Variants in CAMKK1 observed in about 807,000 individuals in gnomAD.
CAMKK1 encodes calcium/calmodulin-dependent protein kinase kinase 1.
CAMKK1 carries 20 observed loss-of-function variants against 63.5 expected under a neutral mutation model. That is an observed-to-expected ratio of 0.32 (90% CI 0.22 to 0.46). CAMKK1 has a LOEUF of 0.46. Among genes scored for constraint, CAMKK1 ranks in the 20% least tolerant of loss-of-function variants. The pLI is 1.00. For missense variants in CAMKK1, 588 were observed against 658.1 expected (o/e 0.89, Z 1.17); for synonymous variants, 253 against 269.0 (o/e 0.94, Z 0.58).
At chr17:3,880,219 C>A in intron 9 of CAMKK1, 127 bp downstream of exon 9, 1 of 773,806 alleles carries the variant, frequency 1.3e-6, no homozygotes, top group South Asian at 1.6e-5. Context: ...ATGCCCCACT[C>A]CCACTGAAGC....
In CAMKK1 at chr17:3,887,115, T is replaced by C. The variant is rs2055687572; in HGVS notation, c.-43-1385A>G. On this transcript the variant is annotated intron_variant, in intron 1 of 15. Transcript: ENST00000348335. The surrounding 1 kb of genome is among the most constrained non-coding windows in gnomAD (Gnocchi z 6.1). ...GGGCTGGCTGGAGTCCACCGGCCAC[T>C]GAGGAGCCAGGACTGGGTTCCAGTC... Among the ~76,000 whole-genome samples the C allele has an allele frequency of 6.6e-6, 1 of 152,058 alleles. No homozygotes were observed. The highest frequency in any genetic ancestry group is 6.5e-5 in the Admixed American group (1 of 15,270).
chr17:3,881,160 A>G (rs2055395006), intron 8 of CAMKK1, among the ~76,000 whole-genome samples: 1 of 152,200 alleles, frequency 6.6e-6, no homozygotes, highest in African/African-American at 2.4e-5. Context: ...TCCATCAGTG[A>G]CTTGCTGTGT....
intron 15 of CAMKK1, among the ~76,000 whole-genome samples, chr17:3,863,044 G>T (rs550531156): frequency 6.6e-6 from 1 of 152,342 alleles, no homozygotes; most frequent in African/African-American, 2.4e-5. Context: ...CCATCTATCA[G>T]TCTTGGGATT....
intron 14 of CAMKK1, among the ~76,000 whole-genome samples, chr17:3,867,087 T>C (rs535125208): frequency 2.6e-5 from 4 of 152,160 alleles, no homozygotes; most frequent in Admixed American, 6.5e-5. Context: ...CAGTAAATTA[T>C]GTATGTCAGT....
In CAMKK1 at chr17:3,882,616, G is replaced by A. The variant is rs1486401942; in HGVS notation, c.649-52C>T. 6.5e-7 allele frequency: 1 copy of A among 1,528,556 alleles called. No individual in the cohort carries two copies. The highest frequency in any genetic ancestry group is 8.9e-7 in the Non-Finnish European group (1 of 1,122,324). The allele number at this position is 1,528,556 out of a possible 1,614,324, so 94.7% of individuals were successfully genotyped here. A position where few individuals can be genotyped will look rare whatever the true frequency, so the allele number is the denominator to read the frequency against. On this transcript the variant is annotated intron_variant, in intron 6 of 15. Transcript: ENST00000348335. The surrounding 1 kb of genome is among the most constrained non-coding windows in gnomAD (Gnocchi z 4.3). ...TGGGGCTTGAGGAGGCGTGGGGTTGGAGGTCCCAGGCCTCCTGGTCCTTGC... is the reference window on the plus strand; with the variant it reads ...TGGGGCTTGAGGAGGCGTGGGGTTGAAGGTCCCAGGCCTCCTGGTCCTTGC...
chr17:3,892,092 G>GTGTGCCCCTCCCACACTCC lies in CAMKK1; in HGVS notation c.-44+828_-44+846dup, dbSNP rs551460529. 4.8e-3 allele frequency among the ~76,000 whole-genome samples: 729 copies of GTGTGCCCCTCCCACACTCC among 152,146 alleles called. 5 individuals carry two copies. The highest frequency in any genetic ancestry group is 0.017 in the African/African-American group (697 of 41,474). On this transcript the variant is annotated intron_variant, in intron 1 of 15. Coordinates refer to ENST00000348335, the MANE Select transcript of CAMKK1 (RefSeq NM_032294.3). This position sits in a 1 kb window ranked among gnomAD's most constrained non-coding sequence, Gnocchi z 7.5. ...TGGGATCCTCCAGCGCGCACAGGCT[G>GTGTGCCCCTCCCACACTCC]TGTGCCCCTCCCACACTCCTGTGCC...
chr17:3,872,222 G>T (rs568289856), intron 12 of CAMKK1, among the ~76,000 whole-genome samples: 3 of 152,210 alleles, frequency 2.0e-5, no homozygotes, highest in Non-Finnish European at 2.9e-5. Context: ...CTGAGTGGGG[G>T]AAGGAGAAGT....
intron 10 of CAMKK1, among the ~76,000 whole-genome samples, chr17:3,874,813 T>C (rs1390913350): frequency 6.6e-6 from 1 of 151,838 alleles, no homozygotes; most frequent in African/African-American, 2.4e-5. Context: ...CTGACCGATA[T>C]ATAAGTCTTA....
intron 14 of CAMKK1, among the ~76,000 whole-genome samples, chr17:3,868,693 A>G (rs1021944124): frequency 1.2e-4 from 19 of 152,008 alleles, no homozygotes; most frequent in African/African-American, 4.3e-4. Context: ...CGTTCTGTCA[A>G]CCAGGCTGGA....
intron 15 of CAMKK1, 197 bp downstream of exon 15, chr17:3,865,711 A>G: frequency 7.1e-7 from 1 of 1,418,322 alleles, no homozygotes; most frequent in Middle Eastern, 2.3e-4. Context: ...GAATGAAGCA[A>G]GAGCTGGGCC....
rs1390869070 is a variant in CAMKK1 at position 3,892,370 on chromosome 17, C to A, written c.-44+569G>T. On this transcript the variant is annotated intron_variant, in intron 1 of 15. Transcript: ENST00000348335. This position sits in a 1 kb window ranked among gnomAD's most constrained non-coding sequence, Gnocchi z 7.5. Reference sequence around the variant, plus strand: ...ACGCAGGTCCCTGCGCACGTGGACACCCCCCCAGCCACCAGCCCTGCGCCT... The same window carrying A: ...ACGCAGGTCCCTGCGCACGTGGACAACCCCCCAGCCACCAGCCCTGCGCCT... Among the ~76,000 whole-genome samples, 6 of 152,128 alleles carry A rather than the reference C, an allele frequency of 3.9e-5. No individual in the cohort carries two copies. The East Asian group carries it at 7.7e-4, about 20-fold the overall frequency.
intron 1 of CAMKK1, among the ~76,000 whole-genome samples, chr17:3,888,946 C>T (rs556691222): frequency 7.6e-4 from 116 of 151,738 alleles, no homozygotes; most frequent in African/African-American, 2.4e-3. Context: ...TGTGGGTCCC[C>T]ACACAGGAGC....
At position 3,890,612 on chromosome 17, in the gene CAMKK1, C is replaced by G. The variant is rs932578492; in HGVS notation, c.-44+2327G>C. 1.4e-5 allele frequency: 11 copies of G among 779,062 alleles called. No individual in the cohort carries two copies. In the East Asian group the frequency reaches 2.4e-4, roughly 17 times the overall value. 48.3% of individuals were successfully genotyped at this position (779,062 alleles called of 1,614,324 possible). Reference sequence around the variant, plus strand: ...ACACCCTCCCCATTCTTTCCTGACCCAGGTCAGCAATCCGGGAGCCCTCCT... The same window carrying G: ...ACACCCTCCCCATTCTTTCCTGACCGAGGTCAGCAATCCGGGAGCCCTCCT... On this transcript the variant is annotated intron_variant, in intron 1 of 15. Coordinates refer to ENST00000348335, the MANE Select transcript of CAMKK1 (RefSeq NM_032294.3). This position sits in a 1 kb window ranked among gnomAD's most constrained non-coding sequence, Gnocchi z 6.5.
At position 3,883,260 on chromosome 17, in the gene CAMKK1, T is replaced by C; in HGVS notation, c.515-85A>G. 2.5e-6 allele frequency: 4 copies of C among 1,571,062 alleles called. No individual in the cohort carries two copies. The highest frequency in any genetic ancestry group is 3.5e-6 in the Non-Finnish European group (4 of 1,149,858). Reference sequence around the variant, plus strand: ...CCAAACCAGTCTCAAGCAAGAGTCTTGCATGCCCGTGGTCTTGTCCCAACC... The same window carrying C: ...CCAAACCAGTCTCAAGCAAGAGTCTCGCATGCCCGTGGTCTTGTCCCAACC... On this transcript the variant is annotated intron_variant, in intron 5 of 15. Transcript: ENST00000348335. This position sits in a 1 kb window ranked among gnomAD's most constrained non-coding sequence, Gnocchi z 4.7.
At position 3,892,800 on chromosome 17, in the gene CAMKK1, C is replaced by G; in HGVS notation, c.-44+139G>C. On this transcript the variant is annotated intron_variant, in intron 1 of 15. Coordinates refer to ENST00000348335, the MANE Select transcript of CAMKK1 (RefSeq NM_032294.3). This position sits in a 1 kb window ranked among gnomAD's most constrained non-coding sequence, Gnocchi z 7.5. ...CCCCGCAGACAGAAGGGGAAGGATCCCCGCCCTGACCAGATCCCAGCTCCC... is the reference window on the plus strand; with the variant it reads ...CCCCGCAGACAGAAGGGGAAGGATCGCCGCCCTGACCAGATCCCAGCTCCC... 1 of 152,298 alleles carries G rather than the reference C, an allele frequency of 6.6e-6. No individual in the cohort carries two copies. The allele number at this position is 152,298 out of a possible 1,614,324, so 9.4% of individuals were successfully genotyped here. A position where few individuals can be genotyped will look rare whatever the true frequency, so the allele number is the denominator to read the frequency against.
intron 10 of CAMKK1, among the ~76,000 whole-genome samples, chr17:3,873,722 C>T (rs1218748891): frequency 1.3e-5 from 2 of 152,128 alleles, no homozygotes; most frequent in South Asian, 4.1e-4. Context: ...GTTTCCAACT[C>T]AACAGGTACA....
At chr17:3,875,384 C>A (rs958361389) in intron 10 of CAMKK1, among the ~76,000 whole-genome samples, 2 of 152,080 alleles carry the variant, frequency 1.3e-5, no homozygotes, top group Non-Finnish European at 2.9e-5. Flanking sequence ...TGGACTCAAG[C>A]GATCCTCCCA....
chr17:3,887,630 C>A lies in CAMKK1; in HGVS notation c.-43-1900G>T, dbSNP rs546772503. Among the ~76,000 whole-genome samples, 2 of 149,700 alleles carry A rather than the reference C, an allele frequency of 1.3e-5. No individual in the cohort carries two copies. The highest frequency in any genetic ancestry group is 3.0e-5 in the Non-Finnish European group (2 of 67,408). ...GGAGTGGGGCTGTGGCACAGGGAGG[C>A]CTCCCTGGAGGAGGTGAGAGAGGAC... On this transcript the variant is annotated intron_variant, in intron 1 of 15. Transcript: ENST00000348335. This position sits in a 1 kb window ranked among gnomAD's most constrained non-coding sequence, Gnocchi z 6.1.
chr17:3,866,127 A>C, intron 14 of CAMKK1, 116 bp from the exon 15 acceptor site: 2 of 1,211,230 alleles, frequency 1.7e-6, no homozygotes, highest in Non-Finnish European at 2.3e-6. Flanking sequence ...TCCCATCTCA[A>C]TCAGCACAGC....
Sources: gnomAD v4.1 joint callset for allele counts (sites outside exome capture counted in the v4.1 genomes callset) on GRCh38, gnomAD v4.1.1 for gene constraint, Gnocchi (gnomAD v3.1) non-coding constraint, MANE v1.5 for transcripts, NCBI Gene and HGNC (gene_info 2026-07-23, HGNC 2026-07-21) for gene names.